KCNQ1: variants seen among roughly 807,000 people sequenced by gnomAD.
KCNQ1 encodes the protein potassium voltage-gated channel subfamily KQT member 1.
KCNQ1 carries 49 observed loss-of-function variants against 72.4 expected under a neutral mutation model. That is an observed-to-expected ratio of 0.68 (90% CI 0.54 to 0.86). KCNQ1 has a LOEUF of 0.86. Among genes scored for constraint, KCNQ1 ranks in the 40% least tolerant of loss-of-function variants. KCNQ1 has a pLI of 0.00. For missense variants in KCNQ1, 790 were observed against 945.1 expected (o/e 0.84, Z 2.15); for synonymous variants, 450 against 412.6 (o/e 1.09, Z -1.10).
intron 11 of KCNQ1, chr11:2,675,501 G>A: frequency 2.5e-6 from 1 of 398,654 alleles, no homozygotes; most frequent in East Asian, 3.6e-5. Flanking sequence ...AGACATAGCA[G>A]TCACAACATG....
rs1404190742 is a variant in KCNQ1, at chr11:2,791,344, G to A, written c.1794+13307G>A. The stretch of plus-strand genomic sequence containing the variant: ...AGGGGCCAGGGCGTGAGGGCGGTGC[G>A]GAGCCTTGTCTGTGCGGCAAACCCT... On this transcript the variant is annotated intron_variant, in intron 15 of 15. Coordinates refer to ENST00000155840, the MANE Select transcript of KCNQ1 (RefSeq NM_000218.3). Among the ~76,000 whole-genome samples the A allele has an allele frequency of 3.3e-5, 5 of 151,982 alleles. No homozygotes were observed. The East Asian group carries it at 7.8e-4, about 24-fold the overall frequency.
Position 2,526,271 on chromosome 11 carries a change from G to A in KCNQ1, c.387-1657G>A, listed in dbSNP as rs1847504329. ...GGTGGAGGTGGGCACTGTGGTCAGG[G>A]GGAGATGAGGATGGATGGGCAGGGT... On this transcript the variant is annotated intron_variant, in intron 1 of 15. Transcript: ENST00000155840. The surrounding 1 kb of genome is among the most constrained non-coding windows in gnomAD (Gnocchi z 6.1). Among the ~76,000 whole-genome samples the A allele has an allele frequency of 1.3e-5, 2 of 152,072 alleles. No homozygotes were observed. Among genetic ancestry groups the A allele is most frequent in the Non-Finnish European group, 2.9e-5 (2 of 67,994 alleles).
At chr11:2,714,773 C>T (rs1264915303) in intron 11 of KCNQ1, among the ~76,000 whole-genome samples, 1 of 152,166 alleles carries the variant, frequency 6.6e-6, no homozygotes, top group East Asian at 1.9e-4. Flanking sequence ...TTGAGGGTGG[C>T]TGCAGCATCG....
chr11:2,653,599 C>T lies in KCNQ1; in HGVS notation c.1394-8362C>T. ...TTCTCCCTTTCCCTTGCTCTCTATC[C>T]ATTGGCCCCATGGGATGGCTGTATC... On this transcript the variant is annotated intron_variant, in intron 10 of 15. Coordinates refer to ENST00000155840, the MANE Select transcript of KCNQ1 (RefSeq NM_000218.3). This position sits in a 1 kb window ranked among gnomAD's most constrained non-coding sequence, Gnocchi z 5.3. The T allele has an allele frequency of 2.5e-6, 1 of 398,668 alleles. No individual in the cohort carries two copies. The highest frequency in any genetic ancestry group is 4.4e-5 in the Admixed American group (1 of 22,722). The allele number at this position is 398,668 out of a possible 1,614,324, so 24.7% of individuals were successfully genotyped here.
Position 2,620,576 on chromosome 11 carries a change from T to C in KCNQ1, c.1393+31722T>C. The C allele has an allele frequency of 2.5e-6, 1 of 397,364 alleles. No homozygotes were observed. Among genetic ancestry groups the C allele is most frequent in the Non-Finnish European group, 4.4e-6 (1 of 225,796 alleles). 24.6% of individuals were successfully genotyped at this position (397,364 alleles called of 1,614,324 possible). ...TGGTGTACATGTACCACATTTTCTTTATCCAATCCACCACTGATGGGCATC... is the reference window on the plus strand; with the variant it reads ...TGGTGTACATGTACCACATTTTCTTCATCCAATCCACCACTGATGGGCATC... On this transcript the variant is annotated intron_variant, in intron 10 of 15. Coordinates refer to ENST00000155840, the MANE Select transcript of KCNQ1 (RefSeq NM_000218.3). This position sits in a 1 kb window ranked among gnomAD's most constrained non-coding sequence, Gnocchi z 4.5.
At chr11:2,643,063 A>AT in intron 10 of KCNQ1, 1 of 398,036 alleles carries the variant, frequency 2.5e-6, no homozygotes, top group Non-Finnish European at 4.4e-6. Context: ...ATTTAAAATC[A>AT]TACTTAGTGT....
Position 2,562,515 on chromosome 11 carries a change from AG to A in KCNQ1, c.478-8110del, listed in dbSNP as rs1848187634. 6.6e-6 allele frequency among the ~76,000 whole-genome samples: 1 copy of A among 152,146 alleles called. No homozygotes were observed. The highest frequency in any genetic ancestry group is 2.4e-5 in the African/African-American group (1 of 41,430). On this transcript the variant is annotated intron_variant, in intron 2 of 15. Transcript: ENST00000155840. This position sits in a 1 kb window ranked among gnomAD's most constrained non-coding sequence, Gnocchi z 7.5. ...ATGCTGTGGGGACCACTGCCCCCAC[AG>A]GGAAGCGCCTGGCTCAGCACAGGCC... is the stretch of plus-strand genomic sequence containing the variant.
At position 2,734,169 on chromosome 11, in the gene KCNQ1, G is replaced by A. The variant is rs1171032589; in HGVS notation, c.1515-34675G>A. ...CAGGGCCCGCAGGTGTGTGTGAGAG[G>A]TGCATGGTGGACGTCCAAAGAATAA... On this transcript the variant is annotated intron_variant, in intron 11 of 15. Coordinates refer to ENST00000155840, the MANE Select transcript of KCNQ1 (RefSeq NM_000218.3). The surrounding 1 kb of genome is among the most constrained non-coding windows in gnomAD (Gnocchi z 7.0). Among the ~76,000 whole-genome samples, 1 of 152,166 alleles carries A rather than the reference G, an allele frequency of 6.6e-6. No individual in the cohort carries two copies. Among genetic ancestry groups the A allele is most frequent in the African/African-American group, 2.4e-5 (1 of 41,442 alleles).
chr11:2,755,661 T>C (rs1846287952), intron 11 of KCNQ1, among the ~76,000 whole-genome samples: 1 of 152,216 alleles, frequency 6.6e-6, no homozygotes. Flanking sequence ...AGATACAAAG[T>C]CCCTTTTCCA....
At chr11:2,548,646 G>A (rs1471322507) in intron 2 of KCNQ1, among the ~76,000 whole-genome samples, 1 of 152,236 alleles carries the variant, frequency 6.6e-6, no homozygotes, top group Non-Finnish European at 1.5e-5. Context: ...TTTCATAGGT[G>A]CGTGTGGGGC....
chr11:2,609,809 TCTC>T (rs1310425569), intron 10 of KCNQ1: 2 of 398,244 alleles, frequency 5.0e-6, no homozygotes, highest in Non-Finnish European at 8.9e-6. Context: ...TAATTTAAAA[TCTC>T]CTTTGACTTT....
chr11:2,578,854 G>A (rs948033797), intron 6 of KCNQ1, among the ~76,000 whole-genome samples: 7 of 152,248 alleles, frequency 4.6e-5, no homozygotes, highest in African/African-American at 9.6e-5. Flanking sequence ...AGCGGGGAAC[G>A]TGGGTCCTGC....
At chr11:2,761,055 C>T (rs1193733945) in intron 11 of KCNQ1, among the ~76,000 whole-genome samples, 2 of 152,176 alleles carry the variant, frequency 1.3e-5, no homozygotes, top group African/African-American at 2.4e-5. Flanking sequence ...CTTGCCTTGG[C>T]GTACTGGAAG....
At chr11:2,717,277 C>G (rs980948828) in intron 11 of KCNQ1, among the ~76,000 whole-genome samples, 2 of 152,186 alleles carry the variant, frequency 1.3e-5, no homozygotes, top group Non-Finnish European at 2.9e-5. Context: ...GCAGGAATCA[C>G]AAGCTGGATG....
At chr11:2,597,956 T>C (rs1848754861) in intron 10 of KCNQ1, among the ~76,000 whole-genome samples, 1 of 152,164 alleles carries the variant, frequency 6.6e-6, no homozygotes, top group African/African-American at 2.4e-5. Flanking sequence ...ACTTTTGTGG[T>C]TTTTCTCCTT....
At chr11:2,689,237 G>GACA (rs1850548118) in intron 11 of KCNQ1, 2 of 398,740 alleles carry the variant, frequency 5.0e-6, no homozygotes, top group East Asian at 7.1e-5. Flanking sequence ...GCCAAGCTTT[G>GACA]AAGTCAGCCC....
At chr11:2,726,108 C>T (rs890702844) in intron 11 of KCNQ1, among the ~76,000 whole-genome samples, 9 of 152,330 alleles carry the variant, frequency 5.9e-5, no homozygotes, top group East Asian at 3.9e-4. Context: ...GGGCTGGGGA[C>T]GGCCTCTTGG....
chr11:2,614,536 A>G, intron 10 of KCNQ1: 3 of 398,438 alleles, frequency 7.5e-6, no homozygotes, highest in African/African-American at 2.1e-5. Context: ...GGTCTCTGAT[A>G]CATTTTGAGA....
chr11:2,553,161 T>TG (rs1032405359), intron 2 of KCNQ1, among the ~76,000 whole-genome samples: 15 of 130,918 alleles, frequency 1.1e-4, no homozygotes, highest in African/African-American at 1.5e-4. Flanking sequence ...GGGTTTTTTT[T>TG]GTTTTTTTTT....
Sources: gnomAD v4.1 joint callset for allele counts (sites outside exome capture counted in the v4.1 genomes callset) on GRCh38, gnomAD v4.1.1 for gene constraint, Gnocchi (gnomAD v3.1) non-coding constraint, MANE v1.5 for transcripts, NCBI Gene and HGNC (gene_info 2026-07-23, HGNC 2026-07-21) for gene names.